The following HPD variants were observed in gnomAD, a reference collection of about 807,000 sequenced individuals.
HPD encodes the protein 4-hydroxyphenylpyruvic acid oxidase.
Under a neutral mutation model 56.9 loss-of-function variants are expected in HPD, and 35 were observed. The observed-to-expected ratio is 0.62, with a 90% CI of 0.47 to 0.82. HPD has a LOEUF of 0.82. Among genes scored for constraint, HPD ranks in the 40% least tolerant of loss-of-function variants. HPD has a pLI of 0.00. For missense variants in HPD, 442 were observed against 506.8 expected, an observed-to-expected ratio of 0.87 and a Z score of 1.23; for synonymous variants, 186 against 200.2, an observed-to-expected ratio of 0.93 and a Z score of 0.60.
intron 12 of HPD, 75 bp from the exon 13 acceptor site, chr12:121,840,123 G>T: frequency 1.0e-6 from 1 of 967,026 alleles, no homozygotes; most frequent in African/African-American, 1.6e-5. Flanking sequence ...AGGGGCTCCT[G>T]CACCCCAAAA....
At chr12:121,884,158 T>G in the HPD span, among the ~76,000 whole-genome samples, 1 of 137,238 alleles carries the variant, frequency 7.3e-6, no homozygotes, top group Non-Finnish European at 1.5e-5. Flanking sequence ...AGTCATCGTT[T>G]CTCTTTTCCT....
the HPD span, among the ~76,000 whole-genome samples, chr12:121,880,053 G>T: frequency 4.6e-5 from 7 of 151,800 alleles, no homozygotes; most frequent in Non-Finnish European, 5.9e-5. Flanking sequence ...AGGCTGAGGT[G>T]GGGGGATTGC....
the HPD span, among the ~76,000 whole-genome samples, chr12:121,879,472 T>TTTCTCTTCTG: frequency 1.5e-4 from 5 of 32,626 alleles, no homozygotes; most frequent in African/African-American, 5.7e-4. Context: ...TTTCTTTCCT[T>TTTCTCTTCTG]TTCTCTTCTG....
chr12:121,863,040 T>G (rs1305859021), upstream of HPD, among the ~76,000 whole-genome samples: 1 of 145,562 alleles, frequency 6.9e-6, no homozygotes, highest in Non-Finnish European at 1.5e-5. Context: ...TGAAGTGCAA[T>G]GGCGTGATCT....
At chr12:121,867,351 CAAA>C (rs545740135), upstream of HPD, among the ~76,000 whole-genome samples, 9 of 106,728 alleles carry the variant, frequency 8.4e-5, no homozygotes, top group African/African-American at 1.2e-4. Flanking sequence ...GACCCTGTCT[CAAA>C]AAAAAAAAAA....
rs1273292762 is a variant in HPD, at chr12:121,857,754, T to C, written c.93+3A>G. On this transcript the variant is annotated splice_donor_region_variant and intron_variant, in intron 3 of 13. Transcript: ENST00000289004. The stretch of plus-strand genomic sequence containing the variant: ...CACTCCAGCACCTTGCCCCGGCTTC[T>C]ACCTGCTTGGCGTTGCCAACCCAGA... 1 of 1,613,584 alleles carries C rather than the reference T, an allele frequency of 6.2e-7. No homozygotes were observed. The highest frequency in any genetic ancestry group is 1.7e-5 in the Admixed American group (1 of 60,004).
intron 9 of HPD, 134 bp from the exon 10 acceptor site, chr12:121,847,348 A>T: frequency 2.5e-6 from 2 of 786,166 alleles, no homozygotes; most frequent in Non-Finnish European, 4.4e-6. Flanking sequence ...TACCCATCAG[A>T]GATTTAGATC....
rs1154515 is a variant in HPD, at chr12:121,848,830, C to T, written c.596+169G>A. Reference sequence around the variant, plus strand: ...CATATTGGTCAGGCTGGTGTTGAACCCCTGACCTCAAGTGATCCTCCCACC... The same window carrying T: ...CATATTGGTCAGGCTGGTGTTGAACTCCTGACCTCAAGTGATCCTCCCACC... On this transcript the variant is annotated intron_variant, in intron 9 of 13. Transcript: ENST00000289004. 0.88 allele frequency among the ~76,000 whole-genome samples: 133,756 copies of T among 152,080 alleles called. 59,077 individuals carry two copies. The highest frequency in any genetic ancestry group is 0.96 in the African/African-American group (39,792 of 41,496).
intron 7 of HPD, among the ~76,000 whole-genome samples, chr12:121,850,793 G>C (rs1438986844): frequency 6.7e-6 from 1 of 150,062 alleles, no homozygotes; most frequent in Non-Finnish European, 1.5e-5. Flanking sequence ...CCGCCTCCCA[G>C]GTTCAAGCGA....
chr12:121,877,549 T>C, the HPD span, among the ~76,000 whole-genome samples: 104 of 152,062 alleles, frequency 6.8e-4, 1 homozygote, highest in Non-Finnish European at 5.9e-5. Flanking sequence ...CTGGCCAACA[T>C]GGTAAGACCC....
chr12:121,853,429 C>A (rs1566572489), intron 7 of HPD, among the ~76,000 whole-genome samples: 1 of 148,460 alleles, frequency 6.7e-6, no homozygotes, highest in East Asian at 2.0e-4. Context: ...GAGATCGAGA[C>A]CATCCTGGAT....
intron 9 of HPD, 27 bp downstream of exon 9, chr12:121,848,972 C>G: frequency 6.3e-7 from 1 of 1,577,536 alleles, no homozygotes; most frequent in South Asian, 1.1e-5. Context: ...GTCATCTTCA[C>G]GCAGAGGGAG....
upstream of HPD, among the ~76,000 whole-genome samples, chr12:121,867,333 CAG>C (rs1042305143): frequency 1.4e-5 from 2 of 137,938 alleles, no homozygotes; most frequent in African/African-American, 5.5e-5. Flanking sequence ...GCCTGGGAGA[CAG>C]AGAGAGACCC....
upstream of HPD, among the ~76,000 whole-genome samples, chr12:121,868,494 T>C (rs937959374): frequency 2.1e-5 from 3 of 142,770 alleles, no homozygotes; most frequent in Admixed American, 7.3e-5. Flanking sequence ...CACCCAGCCC[T>C]TTGCCTGTCT....
chr12:121,870,843 G>T, the HPD span, among the ~76,000 whole-genome samples: 1 of 151,838 alleles, frequency 6.6e-6, no homozygotes, highest in African/African-American at 2.4e-5. Flanking sequence ...TGATCCGCCC[G>T]CCTCGGTCTC....
the HPD span, among the ~76,000 whole-genome samples, chr12:121,887,826 C>T: frequency 1.3e-5 from 2 of 152,086 alleles, no homozygotes; most frequent in African/African-American, 2.4e-5. Context: ...GAAGTATGTC[C>T]CTTCTTTTGG....
At chr12:121,853,691 C>A (rs1160450814) in intron 7 of HPD, among the ~76,000 whole-genome samples, 1 of 151,632 alleles carries the variant, frequency 6.6e-6, no homozygotes, top group Non-Finnish European at 1.5e-5. Flanking sequence ...CGCCTGTAAT[C>A]CCAGCACTTT....
intron 8 of HPD, among the ~76,000 whole-genome samples, chr12:121,849,338 A>G (rs1191566941): frequency 2.0e-5 from 3 of 152,038 alleles, no homozygotes; most frequent in Non-Finnish European, 2.9e-5. Flanking sequence ...ACTCACACTT[A>G]TGTAGCATTT....
chr12:121,856,081 G>C (rs1242287154), intron 6 of HPD, among the ~76,000 whole-genome samples: 1 of 152,080 alleles, frequency 6.6e-6, no homozygotes, highest in Non-Finnish European at 1.5e-5. Flanking sequence ...CTCAGTGAGA[G>C]AGAGGACACG....
Sources: gnomAD v4.1 joint callset for allele counts (sites outside exome capture counted in the v4.1 genomes callset) on GRCh38, gnomAD v4.1.1 for gene constraint, MANE v1.5 for transcripts, NCBI Gene and HGNC (gene_info 2026-07-23, HGNC 2026-07-21) for gene names.